The following FOXN3 variants were observed in gnomAD, a reference collection of about 807,000 sequenced individuals.
FOXN3 encodes the protein forkhead box N3.
Under a neutral mutation model 38.4 loss-of-function variants are expected in FOXN3, and 7 were observed. The observed-to-expected ratio is 0.18, with a 90% CI of 0.10 to 0.34. FOXN3 has a LOEUF of 0.34. FOXN3 is among the 10% of genes least tolerant of loss of function. FOXN3 has a pLI of 1.00. For synonymous variants in FOXN3, 230 were observed against 242.2 expected, an observed-to-expected ratio of 0.95 and a Z score of 0.47; for missense variants, 456 against 613.4, an observed-to-expected ratio of 0.74 and a Z score of 2.71.
intron 1 of FOXN3, among the ~76,000 whole-genome samples, chr14:89,524,371 C>CAAAAAAAAAAAAAAAAAAAAAAAAA (rs1301922423): frequency 3.0e-4 from 2 of 6,572 alleles, no homozygotes; most frequent in Admixed American, 4.3e-3. Context: ...GACTCCATCT[C>CAAAAAAAAAAAAAAAAAAAAAAAAA]AAAAAAAAAA....
At chr14:89,534,794 G>A (rs577812109) in intron 1 of FOXN3, among the ~76,000 whole-genome samples, 11 of 152,286 alleles carry the variant, frequency 7.2e-5, no homozygotes, top group East Asian at 1.9e-4. Context: ...GAACGGATGC[G>A]CTAGGCGGTG....
intron 1 of FOXN3, among the ~76,000 whole-genome samples, chr14:89,425,304 C>CAG (rs1892002865): frequency 6.6e-6 from 1 of 151,886 alleles, no homozygotes; most frequent in African/African-American, 2.4e-5. Context: ...CTCCTGACCT[C>CAG]GTGATCCACC....
intron 1 of FOXN3, among the ~76,000 whole-genome samples, chr14:89,525,337 C>T (rs1413680915): frequency 6.6e-6 from 1 of 152,136 alleles, no homozygotes; most frequent in Non-Finnish European, 1.5e-5. Context: ...GCTCATTATA[C>T]ACTAATTATA....
At chr14:89,406,775 T>A (rs1449385055) in intron 2 of FOXN3, among the ~76,000 whole-genome samples, 6 of 118,568 alleles carry the variant, frequency 5.1e-5, no homozygotes, top group African/African-American at 1.5e-4. Context: ...AGAGGAAAGG[T>A]TAAAAAAAAA....
At chr14:89,584,343 G>A (rs1335936209) in intron 1 of FOXN3, among the ~76,000 whole-genome samples, 1 of 152,128 alleles carries the variant, frequency 6.6e-6, no homozygotes, top group Non-Finnish European at 1.5e-5. Flanking sequence ...GGAGGTTGCA[G>A]TGAACCGATA....
intron 4 of FOXN3, among the ~76,000 whole-genome samples, chr14:89,260,345 C>T (rs896737032): frequency 6.6e-6 from 1 of 152,268 alleles, no homozygotes; most frequent in South Asian, 2.1e-4. Context: ...AGATCACTCC[C>T]GGTGAGGCCA....
Position 89,358,711 on chromosome 14 carries a change from G to A in FOXN3, c.544-7903C>T, listed in dbSNP as rs184369464. ...CCAACTCCTTCACAGTTTCAACACA[G>A]CCAGCTTTCTGTTCTAGGCCAGTAC... On this transcript the variant is annotated intron_variant, in intron 2 of 5. Transcript: ENST00000557258. Among the ~76,000 whole-genome samples the A allele has an allele frequency of 5.2e-3, 786 of 152,302 alleles. 2 individuals are homozygous for A. The highest frequency in any genetic ancestry group is 8.7e-3 in the Non-Finnish European group (593 of 68,018).
At chr14:89,176,409 G>A (rs943260249) in intron 5 of FOXN3, among the ~76,000 whole-genome samples, 4 of 152,192 alleles carry the variant, frequency 2.6e-5, no homozygotes, top group Non-Finnish European at 4.4e-5. Context: ...AGGAGAAGTC[G>A]CTTAGATTCA....
At chr14:89,316,821 C>T (rs556614470) in intron 3 of FOXN3, among the ~76,000 whole-genome samples, 9 of 152,166 alleles carry the variant, frequency 5.9e-5, no homozygotes, top group East Asian at 1.9e-4. Context: ...CCTATCACCA[C>T]GCCTGGCTAC....
At chr14:89,589,449 G>A (rs963174212) in intron 1 of FOXN3, among the ~76,000 whole-genome samples, 2 of 152,136 alleles carry the variant, frequency 1.3e-5, no homozygotes, top group South Asian at 2.1e-4. Flanking sequence ...CCAGTTCCTT[G>A]AGCCTGGTCG....
chr14:89,547,482 G>C (rs1243626785), intron 1 of FOXN3, among the ~76,000 whole-genome samples: 1 of 151,792 alleles, frequency 6.6e-6, no homozygotes, highest in Non-Finnish European at 1.5e-5. Context: ...ATTTTTAGTA[G>C]AGATGGGGTT....
chr14:89,211,012 A>G (rs1884076851), intron 4 of FOXN3, among the ~76,000 whole-genome samples: 1 of 152,240 alleles, frequency 6.6e-6, no homozygotes, highest in Non-Finnish European at 1.5e-5. Context: ...AAAAAACAAA[A>G]GAGAATAGCT....
intron 3 of FOXN3, among the ~76,000 whole-genome samples, chr14:89,287,281 G>A (rs1886657759): frequency 6.6e-6 from 1 of 152,060 alleles, no homozygotes; most frequent in African/African-American, 2.4e-5. Flanking sequence ...AGCCTCCCGA[G>A]TAGCTGTGAT....
intron 2 of FOXN3, among the ~76,000 whole-genome samples, chr14:89,372,095 C>T (rs187530069): frequency 3.2e-4 from 49 of 152,168 alleles, no homozygotes; most frequent in Admixed American, 2.9e-3. Context: ...AAATAAAAAA[C>T]GGAATTGATT....
chr14:89,595,107 G>A (rs545572789), intron 1 of FOXN3, among the ~76,000 whole-genome samples: 14 of 151,378 alleles, frequency 9.2e-5, no homozygotes, highest in African/African-American at 3.2e-4. Context: ...ACAAGGTCAG[G>A]AGATCAAGAC....
At chr14:89,230,089 C>T (rs773339553) in intron 4 of FOXN3, among the ~76,000 whole-genome samples, 2 of 152,186 alleles carry the variant, frequency 1.3e-5, no homozygotes, top group African/African-American at 2.4e-5. Flanking sequence ...TCATGGAAAC[C>T]AATGCTCTTC....
intron 1 of FOXN3, among the ~76,000 whole-genome samples, chr14:89,446,209 G>A (rs1422943574): frequency 1.1e-5 from 1 of 94,428 alleles, no homozygotes; most frequent in Non-Finnish European, 1.9e-5. Context: ...TTTTTTTTGA[G>A]ACAGAGTCTC....
chr14:89,199,085 C>A (rs2139816993), intron 4 of FOXN3, among the ~76,000 whole-genome samples: 1 of 152,314 alleles, frequency 6.6e-6, no homozygotes. Context: ...GGCAGCAGAA[C>A]ACGGGGTGCC....
intron 4 of FOXN3, among the ~76,000 whole-genome samples, chr14:89,209,028 T>A (rs1006824368): frequency 5.3e-5 from 8 of 152,148 alleles, no homozygotes; most frequent in East Asian, 3.9e-4. Context: ...CACACTAAAA[T>A]AAAATGAGGT....
Sources: allele counts gnomAD v4.1 joint callset (sites outside exome capture counted in the v4.1 genomes callset), GRCh38; gene constraint gnomAD v4.1.1; transcripts MANE v1.5; gene names NCBI Gene and HGNC (gene_info 2026-07-23, HGNC 2026-07-21).